CDS2: variants seen among roughly 807,000 people sequenced by gnomAD.
CDS2 encodes the protein CDP-diacylglycerol synthase 2, also known as phosphatidate cytidylyltransferase 2.
A neutral mutation model predicts 59.0 loss-of-function variants in CDS2; 47 were observed. That is an observed-to-expected ratio of 0.80 (90% CI 0.63 to 1.02). CDS2 has a LOEUF of 1.02. CDS2 is among the 50% of genes least tolerant of loss of function. The pLI, the probability that CDS2 is intolerant of heterozygous loss-of-function variation, is 0.00. For synonymous variants in CDS2, 207 were observed against 206.4 expected, an observed-to-expected ratio of 1.00 and a Z score of -0.02; for missense variants, 356 against 558.9, an observed-to-expected ratio of 0.64 and a Z score of 3.66.
intron 1 of CDS2, among the ~76,000 whole-genome samples, chr20:5,138,213 A>C (rs1489411887): frequency 6.6e-6 from 1 of 151,398 alleles, no homozygotes; most frequent in Non-Finnish European, 1.5e-5. Flanking sequence ...CAGCCTCCTA[A>C]AGTGCTGGGA....
intron 1 of CDS2, among the ~76,000 whole-genome samples, chr20:5,172,472 A>C (rs752408521): frequency 2.0e-5 from 3 of 152,240 alleles, no homozygotes; most frequent in Non-Finnish European, 4.4e-5. Context: ...ACTTGACAGA[A>C]GATACCAAGT....
chr20:5,162,848 A>ATC (rs1480702289), intron 1 of CDS2, among the ~76,000 whole-genome samples: 1 of 152,060 alleles, frequency 6.6e-6, no homozygotes, highest in East Asian at 1.9e-4. Context: ...CTGAGAGGAG[A>ATC]ATGTTTCAAG....
At chr20:5,160,905 A>G (rs1248162163) in intron 1 of CDS2, among the ~76,000 whole-genome samples, 3 of 152,226 alleles carry the variant, frequency 2.0e-5, no homozygotes, top group Non-Finnish European at 4.4e-5. Flanking sequence ...TTAAGGCTGA[A>G]TAATATGCCA....
chr20:5,129,324 TGGA>T (rs1207847327), intron 1 of CDS2, among the ~76,000 whole-genome samples: 10 of 152,216 alleles, frequency 6.6e-5, no homozygotes, highest in African/African-American at 2.4e-4. Flanking sequence ...TCGCCCAGGC[TGGA>T]GTGCAGTGGC....
chr20:5,159,509 T>G (rs1385158823), intron 1 of CDS2, among the ~76,000 whole-genome samples: 1 of 152,148 alleles, frequency 6.6e-6, no homozygotes, highest in East Asian at 1.9e-4. Context: ...TTGTTTTGGA[T>G]GATTTGCATG....
At position 5,190,176 on chromosome 20, in the gene CDS2, C is replaced by A. The variant is rs569818585; in HGVS notation, c.1280C>A (p.Thr427Lys). The stretch of plus-strand genomic sequence containing the variant: ...GATCAGCAGCTCCACATCTTCAACA[C>A]GCTGCGGTCTCATCTGATCGACAAA... ...RPDQQLHIFNTLRSHLIDKGM... is the reference protein window; with the variant it reads ...RPDQQLHIFNKLRSHLIDKGM... The change falls in exon 13 of 13, where the codon ACG (threonine) becomes AAG (lysine). Residue 427 changes from threonine (T) to lysine (K), a missense_variant. This residue lies in a region of CDS2 where 33 missense variants were observed against 27.9 expected (regional missense o/e 1.18). Coordinates refer to ENST00000460006, the MANE Select transcript of CDS2 (RefSeq NM_003818.4). 1.9e-6 allele frequency: 3 copies of A among 1,614,006 alleles called. No individual in the cohort carries two copies. Among genetic ancestry groups the A allele is most frequent in the Admixed American group, 1.7e-5 (1 of 60,006 alleles).
At chr20:5,161,551 A>G (rs1471276626) in intron 1 of CDS2, among the ~76,000 whole-genome samples, 2 of 152,274 alleles carry the variant, frequency 1.3e-5, no homozygotes, top group Non-Finnish European at 2.9e-5. Flanking sequence ...TAACTGACAC[A>G]TACTTTGTGT....
intron 12 of CDS2, 96 bp downstream of exon 12, chr20:5,189,934 C>G (rs898864618): frequency 7.5e-7 from 1 of 1,339,280 alleles, no homozygotes; most frequent in African/African-American, 1.5e-5. Context: ...GAAAAGCATC[C>G]CAAATAATGC....
chr20:5,176,891 C>G, intron 4 of CDS2, 146 bp downstream of exon 4: 1 of 642,022 alleles, frequency 1.6e-6, no homozygotes. Context: ...TACAAAGTTT[C>G]ATGAAGAAAA....
At chr20:5,165,919 G>T (rs1247430896) in intron 1 of CDS2, among the ~76,000 whole-genome samples, 1 of 152,206 alleles carries the variant, frequency 6.6e-6, no homozygotes, top group African/African-American at 2.4e-5. Context: ...ACTGACTCTA[G>T]TTCAGAATGG....
At chr20:5,130,999 A>G (rs1568525355) in intron 1 of CDS2, among the ~76,000 whole-genome samples, 4 of 151,560 alleles carry the variant, frequency 2.6e-5, no homozygotes, top group Admixed American at 1.3e-4. Flanking sequence ...GCTGAGAGGC[A>G]GGAGAATGGC....
intron 1 of CDS2, among the ~76,000 whole-genome samples, chr20:5,151,613 A>G (rs895412299): frequency 5.3e-5 from 8 of 151,554 alleles, no homozygotes; most frequent in African/African-American, 1.9e-4. Flanking sequence ...AAATAAATAA[A>G]ATTTTTGTAG....
intron 1 of CDS2, among the ~76,000 whole-genome samples, chr20:5,151,016 G>A (rs891166390): frequency 4.6e-5 from 7 of 152,224 alleles, no homozygotes; most frequent in Non-Finnish European, 1.0e-4. Context: ...TAGCACGTAT[G>A]GTTGTCAGGA....
intron 1 of CDS2, among the ~76,000 whole-genome samples, chr20:5,168,125 G>A (rs2090925897): frequency 6.6e-6 from 1 of 152,104 alleles, no homozygotes; most frequent in Non-Finnish European, 1.5e-5. Context: ...TAAAGAAATA[G>A]AGTATGGAGC....
At chr20:5,189,482 T>C (rs1005855954) in intron 11 of CDS2, among the ~76,000 whole-genome samples, 1 of 152,194 alleles carries the variant, frequency 6.6e-6, no homozygotes, top group South Asian at 2.1e-4. Flanking sequence ...GAGGATCACT[T>C]GAGGCTAGGA....
At chr20:5,153,179 G>C (rs2090806096) in intron 1 of CDS2, among the ~76,000 whole-genome samples, 1 of 152,182 alleles carries the variant, frequency 6.6e-6, no homozygotes, top group Admixed American at 6.5e-5. Flanking sequence ...GGAAACAAAA[G>C]TTTCAGGAAG....
chr20:5,190,237 G>T lies in CDS2; in HGVS notation c.*3G>T, dbSNP rs370840326. ...CATCCACCACAGAGGACGAGTAGGG[G>T]CCACCCAGGGCCAGGAGAACAGGAA... On this transcript the variant is annotated 3_prime_UTR_variant, in exon 13 of 13. Coordinates refer to ENST00000460006, the MANE Select transcript of CDS2 (RefSeq NM_003818.4). 1.2e-6 allele frequency: 2 copies of T among 1,612,442 alleles called. No individual in the cohort carries two copies. The highest frequency in any genetic ancestry group is 1.1e-5 in the South Asian group (1 of 90,778).
chr20:5,134,895 C>T (rs2090636276), intron 1 of CDS2, among the ~76,000 whole-genome samples: 1 of 152,128 alleles, frequency 6.6e-6, no homozygotes, highest in Non-Finnish European at 1.5e-5. Flanking sequence ...GAACATAATA[C>T]TTGATAAAAT....
rs909987401 is a variant in CDS2 at position 5,127,167 on chromosome 20, G to A, written c.57+18G>A. ...AGGACAAGGTAGCGGCAGCGTCGGGGTGGGCGCGGCCGGGACAGCGGCGCA... is the reference window on the plus strand; with the variant it reads ...AGGACAAGGTAGCGGCAGCGTCGGGATGGGCGCGGCCGGGACAGCGGCGCA... On this transcript the variant is annotated intron_variant, in intron 1 of 12. Transcript: ENST00000460006. The A allele has an allele frequency of 6.1e-6, 9 of 1,484,178 alleles. No homozygotes were observed. The South Asian group carries it at 1.0e-4, about 17-fold the overall frequency. The allele number at this position is 1,484,178 out of a possible 1,614,324, so 91.9% of individuals were successfully genotyped here.
Sources: gnomAD v4.1 joint callset for allele counts (sites outside exome capture counted in the v4.1 genomes callset) on GRCh38, gnomAD v4.1.1 for gene constraint, gnomAD v4.1.1 regional missense constraint, MANE v1.5 for transcripts, NCBI Gene and HGNC (gene_info 2026-07-23, HGNC 2026-07-21) for gene names.